The following PARD3 variants were observed in gnomAD, a reference collection of about 807,000 sequenced individuals.
PARD3 encodes par-3 family cell polarity regulator.
PARD3 carries 75 observed loss-of-function variants against 155.4 expected under a neutral mutation model. The ratio of observed to expected loss-of-function variants is 0.48; its 90% CI spans 0.40 to 0.58. The LOEUF (loss-of-function observed/expected upper bound fraction) is 0.58. PARD3 is among the 20% of genes least tolerant of loss of function. The pLI, the probability that PARD3 is intolerant of heterozygous loss-of-function variation, is 0.00. For synonymous variants in PARD3, 576 were observed against 610.5 expected (o/e 0.94, Z 0.83); for missense variants, 1,642 against 1,721.7 (o/e 0.95, Z 0.82).
intron 22 of PARD3, among the ~76,000 whole-genome samples, chr10:34,156,960 A>T (rs1199550035): frequency 6.6e-6 from 1 of 152,212 alleles, no homozygotes; most frequent in East Asian, 1.9e-4. Flanking sequence ...GGGGAAAAAA[A>T]ACCCTGCCCT....
chr10:34,655,799 C>T (rs1564467205), intron 2 of PARD3, among the ~76,000 whole-genome samples: 2 of 151,920 alleles, frequency 1.3e-5, no homozygotes, highest in Non-Finnish European at 2.9e-5. Flanking sequence ...TAACTGGAGA[C>T]CAGGAAATTG....
intron 2 of PARD3, among the ~76,000 whole-genome samples, chr10:34,589,965 C>T (rs2088512283): frequency 1.3e-5 from 2 of 152,130 alleles, no homozygotes; most frequent in Non-Finnish European, 2.9e-5. Flanking sequence ...CTGTAGTGAT[C>T]CACAACCTCC....
intron 14 of PARD3, among the ~76,000 whole-genome samples, chr10:34,354,098 A>C (rs1589278801): frequency 1.4e-5 from 2 of 146,002 alleles, no homozygotes; most frequent in East Asian, 4.6e-4. Flanking sequence ...CTGGAATTTC[A>C]GTTTCTAATA....
chr10:34,573,735 AAACACACACACACACAC>A (rs1564367910), intron 2 of PARD3, among the ~76,000 whole-genome samples: 9 of 12,280 alleles, frequency 7.3e-4, no homozygotes, highest in Non-Finnish European at 1.4e-3. Context: ...AAACAAACAA[AAACACACACACACACAC>A]ACACACACAC....
chr10:34,336,164 G>A lies in PARD3; in HGVS notation c.2605+35C>T, dbSNP rs117870678. Reference sequence around the variant, plus strand: ...ATTGTGATAAGCTATGTGGGCCATCGTTTCTATGGCAACAGTCTAACTGTC... The same window carrying A: ...ATTGTGATAAGCTATGTGGGCCATCATTTCTATGGCAACAGTCTAACTGTC... On this transcript the variant is annotated intron_variant, in intron 18 of 24. Transcript: ENST00000374788. The A allele has an allele frequency of 7.1e-4, 1,112 of 1,559,294 alleles. 21 individuals carry two copies. In the East Asian group the frequency reaches 0.022, roughly 31 times the overall value.
At chr10:34,602,086 T>C (rs565231054) in intron 2 of PARD3, among the ~76,000 whole-genome samples, 16 of 152,318 alleles carry the variant, frequency 1.1e-4, no homozygotes, top group African/African-American at 3.6e-4. Context: ...AACAAAGATA[T>C]TGACAAATCT....
At chr10:34,778,392 C>T (rs973294203) in intron 1 of PARD3, among the ~76,000 whole-genome samples, 4 of 152,198 alleles carry the variant, frequency 2.6e-5, no homozygotes, top group African/African-American at 9.6e-5. Context: ...ACTGTGCTGC[C>T]TTAACCATCA....
chr10:34,300,269 G>A (rs937340026), intron 20 of PARD3, among the ~76,000 whole-genome samples: 1 of 152,140 alleles, frequency 6.6e-6, no homozygotes, highest in Non-Finnish European at 1.5e-5. Flanking sequence ...GGAAAACACA[G>A]TCTGGAAATG....
chr10:34,496,311 G>A (rs527354392), intron 3 of PARD3, among the ~76,000 whole-genome samples: 37 of 152,108 alleles, frequency 2.4e-4, no homozygotes, highest in African/African-American at 8.4e-4. Context: ...GTATACCTCA[G>A]AGTAACTGGC....
chr10:34,355,944 A>C (rs372393956), intron 14 of PARD3, among the ~76,000 whole-genome samples: 9,665 of 130,058 alleles, frequency 0.074, 567 homozygotes, highest in Non-Finnish European at 0.097. Flanking sequence ...AAAAAAAAAA[A>C]AACAAAACAA....
intron 22 of PARD3, among the ~76,000 whole-genome samples, chr10:34,141,767 C>T (rs946065369): frequency 1.3e-5 from 2 of 152,120 alleles, no homozygotes; most frequent in Non-Finnish European, 2.9e-5. Flanking sequence ...AGAGAACATG[C>T]AAGCGCAAAG....
intron 2 of PARD3, among the ~76,000 whole-genome samples, chr10:34,543,587 C>G (rs907130350): frequency 6.6e-6 from 1 of 152,188 alleles, no homozygotes; most frequent in Non-Finnish European, 1.5e-5. Flanking sequence ...CTTTGCTTTT[C>G]AAACTATGGA....
At chr10:34,756,149 C>G (rs999643837) in intron 1 of PARD3, among the ~76,000 whole-genome samples, 2 of 96,122 alleles carry the variant, frequency 2.1e-5, no homozygotes, top group Non-Finnish European at 2.3e-5. Context: ...AAAAAATGCA[C>G]CTTTTTTTTT....
intron 21 of PARD3, among the ~76,000 whole-genome samples, chr10:34,280,950 T>C (rs1435329652): frequency 6.6e-6 from 1 of 152,222 alleles, no homozygotes; most frequent in Non-Finnish European, 1.5e-5. Context: ...AACATACTTG[T>C]AAACAGAACA....
At chr10:34,457,694 G>A (rs539527224) in intron 4 of PARD3, among the ~76,000 whole-genome samples, 12 of 151,976 alleles carry the variant, frequency 7.9e-5, no homozygotes, top group East Asian at 7.8e-4. Flanking sequence ...TCCACCTCCC[G>A]GGCTCAAGCG....
At chr10:34,662,740 T>C (rs994835020) in intron 2 of PARD3, among the ~76,000 whole-genome samples, 2 of 151,956 alleles carry the variant, frequency 1.3e-5, no homozygotes, top group Admixed American at 6.6e-5. Context: ...AGCGTGGTAT[T>C]AGATGCCTGT....
chr10:34,436,580 T>G (rs572519465), intron 5 of PARD3, among the ~76,000 whole-genome samples: 1 of 152,338 alleles, frequency 6.6e-6, no homozygotes, highest in South Asian at 2.1e-4. Context: ...CTGTACAATG[T>G]GTAAACATAC....
chr10:34,485,403 C>T (rs1170806846), intron 3 of PARD3, among the ~76,000 whole-genome samples: 2 of 151,870 alleles, frequency 1.3e-5, no homozygotes, highest in Non-Finnish European at 2.9e-5. Flanking sequence ...CTCAGGAGAT[C>T]CTGAGAACAA....
chr10:34,440,769 A>G (rs2076421707), intron 5 of PARD3, among the ~76,000 whole-genome samples: 1 of 152,088 alleles, frequency 6.6e-6, no homozygotes, highest in Non-Finnish European at 1.5e-5. Context: ...TGCACACCCC[A>G]GGTCCAAAAG....
Sources: allele counts gnomAD v4.1 joint callset (sites outside exome capture counted in the v4.1 genomes callset), GRCh38; gene constraint gnomAD v4.1.1; transcripts MANE v1.5; gene names NCBI Gene and HGNC (gene_info 2026-07-23, HGNC 2026-07-21).